The following RGL1 variants were observed in gnomAD, a reference collection of about 807,000 sequenced individuals.
RGL1 encodes ral guanine nucleotide dissociation stimulator-like 1.
RGL1 carries 24 observed loss-of-function variants against 95.2 expected under a neutral mutation model. The ratio of observed to expected loss-of-function variants is 0.25; its 90% CI spans 0.18 to 0.35. The LOEUF (loss-of-function observed/expected upper bound fraction) is 0.35. Ranked by LOEUF, RGL1 falls within the 10% of genes least tolerant of loss-of-function variation. The pLI is 1.00. For missense variants in RGL1, 715 were observed against 936.3 expected (o/e 0.76, Z 3.08); for synonymous variants, 329 against 344.9 (o/e 0.95, Z 0.51).
chr1:183,847,642 G>T lies in RGL1; in HGVS notation c.215G>T (p.Gly72Val). The T allele has an allele frequency of 6.2e-7, 1 of 1,614,104 alleles. No homozygotes were observed. ...TGTAAGATCAGGACCATAAAAGCTGGCACCTTGGAGAAGCTTGTGGAGAAC... is the reference window on the plus strand; with the variant it reads ...TGTAAGATCAGGACCATAAAAGCTGTCACCTTGGAGAAGCTTGTGGAGAAC... ...ETCKIRTIKAGTLEKLVENLL... is the reference protein window; with the variant it reads ...ETCKIRTIKAVTLEKLVENLL... The change falls in exon 3 of 18, where the codon GGC becomes GTC. Residue 72 changes from glycine (G) to valine (V), a missense_variant. Gly to Val is a moderately radical substitution (Grantham distance 109). Coordinates refer to ENST00000360851, the MANE Select transcript of RGL1 (RefSeq NM_001297671.3).
intron 1 of RGL1, among the ~76,000 whole-genome samples, chr1:183,673,341 C>A (rs1292487461): frequency 1.3e-5 from 2 of 152,152 alleles, no homozygotes; most frequent in African/African-American, 2.4e-5. Flanking sequence ...GTTTGGGGAA[C>A]CTTTTTCTTT....
At chr1:183,845,146 A>T (rs1462934799) in intron 2 of RGL1, among the ~76,000 whole-genome samples, 2 of 150,760 alleles carry the variant, frequency 1.3e-5, no homozygotes, top group African/African-American at 4.9e-5. Context: ...TTCACATGTG[A>T]CTATTTCAAT....
At chr1:183,714,957 T>C (rs1311441912) in intron 1 of RGL1, among the ~76,000 whole-genome samples, 1 of 152,206 alleles carries the variant, frequency 6.6e-6, no homozygotes, top group East Asian at 1.9e-4. Flanking sequence ...GTTCTGATTC[T>C]GATCGAGCCA....
Position 183,883,893 on chromosome 1 carries a change from C to T in RGL1, c.718C>T (p.Leu240=). Residue 240 remains leucine (L), a synonymous_variant, in exon 6 of 18, where the codon CTG becomes TTG. Coordinates refer to ENST00000360851, the MANE Select transcript of RGL1 (RefSeq NM_001297671.3). ...CFSEDLVAEQ[L]TYMDAQLFKK... ...CTCAGAAGATCTCGTGGCAGAGCAGCTGACCTACATGGATGCAGTATGTCT... is the reference window on the plus strand; with the variant it reads ...CTCAGAAGATCTCGTGGCAGAGCAGTTGACCTACATGGATGCAGTATGTCT... The T allele has an allele frequency of 6.2e-7, 1 of 1,614,028 alleles. No homozygotes were observed. Among genetic ancestry groups the T allele is most frequent in the Non-Finnish European group, 8.5e-7 (1 of 1,179,884 alleles).
chr1:183,639,639 T>C (rs1649780317), intron 1 of RGL1, among the ~76,000 whole-genome samples: 2 of 151,656 alleles, frequency 1.3e-5, no homozygotes, highest in African/African-American at 4.8e-5. Flanking sequence ...TGATTACACA[T>C]TAAAGTGGAA....
intron 14 of RGL1, among the ~76,000 whole-genome samples, chr1:183,911,808 T>A (rs1002723647): frequency 6.6e-6 from 1 of 152,192 alleles, no homozygotes; most frequent in Non-Finnish European, 1.5e-5. Flanking sequence ...AGGTGGTCCA[T>A]AGACTGTTAA....
chr1:183,744,662 A>G (rs1205660130), intron 2 of RGL1, among the ~76,000 whole-genome samples: 1 of 152,198 alleles, frequency 6.6e-6, no homozygotes, highest in Non-Finnish European at 1.5e-5. Context: ...AATTTTATAT[A>G]AGCCTTGTAC....
chr1:183,830,034 A>G (rs546984682), intron 2 of RGL1, among the ~76,000 whole-genome samples: 2 of 152,282 alleles, frequency 1.3e-5, no homozygotes, highest in East Asian at 1.9e-4. Flanking sequence ...TTCTGTATCC[A>G]CAGTGTCCTA....
intron 17 of RGL1, among the ~76,000 whole-genome samples, chr1:183,924,359 C>T (rs1019111381): frequency 2.6e-5 from 4 of 152,100 alleles, no homozygotes; most frequent in African/African-American, 4.8e-5. Context: ...AGCAAACTAA[C>T]ACAGGAACAA....
chr1:183,648,258 C>G (rs370198309), intron 1 of RGL1: 7 of 1,613,982 alleles, frequency 4.3e-6, no homozygotes, highest in Non-Finnish European at 5.9e-6. Flanking sequence ...GGCCAGGCTC[C>G]GGAGAGCTTC....
intron 1 of RGL1, among the ~76,000 whole-genome samples, chr1:183,656,266 A>T (rs1396044057): frequency 1.3e-5 from 2 of 152,158 alleles, no homozygotes; most frequent in Non-Finnish European, 2.9e-5. Context: ...AAATAAGTAC[A>T]TTTATGATGG....
chr1:183,669,103 C>T (rs142691581), intron 1 of RGL1, among the ~76,000 whole-genome samples: 11 of 151,832 alleles, frequency 7.2e-5, no homozygotes, highest in Admixed American at 3.9e-4. Flanking sequence ...CCACCATGCC[C>T]GGCTAATTTT....
intron 2 of RGL1, among the ~76,000 whole-genome samples, chr1:183,798,491 C>A (rs1209762506): frequency 2.6e-5 from 4 of 152,040 alleles, no homozygotes; most frequent in African/African-American, 9.7e-5. Context: ...CCCAAAGCTT[C>A]CTCCTTCCTC....
chr1:183,636,971 G>A (rs1649582892), intron 1 of RGL1, among the ~76,000 whole-genome samples: 1 of 152,214 alleles, frequency 6.6e-6, no homozygotes, highest in Admixed American at 6.5e-5. Flanking sequence ...TTGCCCTGTT[G>A]TGTACCACAA....
At chr1:183,636,418 C>T (rs1649536672) in exon 1 of RGL1, 1 of 376,040 alleles carries the variant, frequency 2.7e-6, no homozygotes. Context: ...GCGGGAAGTC[C>T]CCAAGGACGG....
At chr1:183,813,659 G>A (rs1219680460) in intron 2 of RGL1, among the ~76,000 whole-genome samples, 1 of 152,176 alleles carries the variant, frequency 6.6e-6, no homozygotes, top group African/African-American at 2.4e-5. Flanking sequence ...TTATAATTGT[G>A]TTGTTAGGGA....
At chr1:183,639,000 C>T (rs1483622994) in intron 1 of RGL1, among the ~76,000 whole-genome samples, 1 of 152,216 alleles carries the variant, frequency 6.6e-6, no homozygotes, top group East Asian at 1.9e-4. Flanking sequence ...TGAATCCTGG[C>T]TGGGCGTGGT....
rs562487401 is a variant in RGL1, at chr1:183,680,077, T to A, written c.-33+43576T>A. On this transcript the variant is annotated intron_variant, in intron 1 of 18. Transcript: ENST00000304685. Reference sequence around the variant, plus strand: ...TTTGATGGGGTTGTTTGTTTTTTTCTTGTAAATTTGTTTACTTCCTTGTAC... The same window carrying A: ...TTTGATGGGGTTGTTTGTTTTTTTCATGTAAATTTGTTTACTTCCTTGTAC... 4.7e-4 allele frequency among the ~76,000 whole-genome samples: 71 copies of A among 152,358 alleles called. 1 individual carries two copies. The South Asian group carries it at 0.015, about 31-fold the overall frequency.
chr1:183,736,454 T>C (rs12120527), intron 1 of RGL1, among the ~76,000 whole-genome samples: 70,715 of 152,114 alleles, frequency 0.46, 17,368 homozygotes, highest in East Asian at 0.8. Flanking sequence ...GAGAATTAAC[T>C]GTAGCTTCAT....
Sources: gnomAD v4.1 joint callset for allele counts (sites outside exome capture counted in the v4.1 genomes callset) on GRCh38, gnomAD v4.1.1 for gene constraint, MANE v1.5 for transcripts, NCBI Gene and HGNC (gene_info 2026-07-23, HGNC 2026-07-21) for gene names.